FTO: variants seen among roughly 807,000 people sequenced by gnomAD.
The protein encoded by FTO is alpha-ketoglutarate-dependent dioxygenase FTO.
In FTO, 47 loss-of-function variants were observed where a neutral mutation model predicts 63.9. The observed-to-expected ratio is 0.74, with a 90% CI of 0.58 to 0.94. The LOEUF is 0.94. Among genes scored for constraint, FTO ranks in the 40% least tolerant of loss-of-function variants. FTO has a pLI of 0.00. For missense variants in FTO, 562 were observed against 618.1 expected (o/e 0.91, Z 0.96); for synonymous variants, 207 against 224.4 (o/e 0.92, Z 0.69).
rs149316123 is a variant in FTO, at chr16:54,088,242, C to T, written c.1365-23520C>T. ...GTTATTATGCCATACAAATCAATAC[C>T]CACATTGCGTTTTTACTCAATAATA... On this transcript the variant is annotated intron_variant, in intron 8 of 8. Transcript: ENST00000471389. 5.4e-3 allele frequency among the ~76,000 whole-genome samples: 815 copies of T among 152,252 alleles called. 4 individuals are homozygous for T. The highest frequency in any genetic ancestry group is 0.019 in the African/African-American group (781 of 41,552).
chr16:54,077,550 G>A (rs1194461452), intron 8 of FTO, among the ~76,000 whole-genome samples: 2 of 152,168 alleles, frequency 1.3e-5, no homozygotes, highest in Non-Finnish European at 2.9e-5. Flanking sequence ...TCAAAATGAT[G>A]TTTCTCATAT....
chr16:53,879,752 C>A, intron 5 of FTO, 92 bp from the exon 6 acceptor site: 10 of 1,322,680 alleles, frequency 7.6e-6, no homozygotes, highest in Non-Finnish European at 8.6e-6. Context: ...GGTGAATTCA[C>A]AGCCAGGGAC....
At chr16:54,087,424 A>C (rs1485207191) in intron 8 of FTO, among the ~76,000 whole-genome samples, 4 of 152,152 alleles carry the variant, frequency 2.6e-5, no homozygotes, top group Non-Finnish European at 5.9e-5. Context: ...GAGATAGACA[A>C]TCAAAAGAAC....
chr16:53,856,618 C>T (rs183024700), intron 4 of FTO, among the ~76,000 whole-genome samples: 20 of 152,038 alleles, frequency 1.3e-4, no homozygotes, highest in East Asian at 7.8e-4. Context: ...AGTGTGGTGG[C>T]GTGTGCCTGT....
At chr16:53,869,541 G>GTTTTTTTTTTTTTTTTTTTTTTT (rs35983302) in intron 4 of FTO, among the ~76,000 whole-genome samples, 1 of 125,224 alleles carries the variant, frequency 8.0e-6, no homozygotes, top group African/African-American at 3.0e-5. Context: ...CCATAGTTCT[G>GTTTTTTTTTTTTTTTTTTTTTTT]TTTTTTTTTT....
intron 2 of FTO, among the ~76,000 whole-genome samples, chr16:53,822,323 T>C (rs1487314153): frequency 6.6e-6 from 1 of 152,206 alleles, no homozygotes; most frequent in Non-Finnish European, 1.5e-5. Flanking sequence ...TTTTTCCTTC[T>C]AGCCTATTCC....
At chr16:54,085,455 C>T (rs2086237473) in intron 8 of FTO, among the ~76,000 whole-genome samples, 1 of 152,102 alleles carries the variant, frequency 6.6e-6, no homozygotes, top group African/African-American at 2.4e-5. Flanking sequence ...TGAGTACATT[C>T]CATTATCTAG....
At chr16:53,945,510 T>C (rs145154107) in intron 8 of FTO, among the ~76,000 whole-genome samples, 273 of 152,328 alleles carry the variant, frequency 1.8e-3, no homozygotes, top group African/African-American at 6.4e-3. Flanking sequence ...TTTAGAGACC[T>C]TCTAGGATCC....
At chr16:53,717,896 C>T (rs1024693249) in intron 1 of FTO, among the ~76,000 whole-genome samples, 10 of 151,988 alleles carry the variant, frequency 6.6e-5, no homozygotes, top group African/African-American at 2.2e-4. Flanking sequence ...TAATTGCCAT[C>T]GATTTATAAT....
chr16:53,758,453 A>G (rs2076974598), intron 1 of FTO, among the ~76,000 whole-genome samples: 1 of 152,200 alleles, frequency 6.6e-6, no homozygotes, highest in Non-Finnish European at 1.5e-5. Context: ...AGGATACATG[A>G]GGATTCCTCT....
In FTO at chr16:53,934,064, C is replaced by T. The variant is rs2082336576; in HGVS notation, c.1319C>T (p.Ala440Val). 2 of 1,614,168 alleles carry T rather than the reference C, an allele frequency of 1.2e-6. No homozygotes were observed. The highest frequency in any genetic ancestry group is 1.7e-6 in the Non-Finnish European group (2 of 1,179,990). The change falls in exon 8 of 9, where the codon GCC (alanine) becomes GTC (valine). Residue 440 changes from alanine (A) to valine (V), a missense_variant. Ala to Val is a moderately conservative substitution (Grantham distance 64). Coordinates refer to ENST00000471389, the MANE Select transcript of FTO (RefSeq NM_001080432.3). Reference sequence around the variant, plus strand: ...AATGAAATCTTGACTGCCATCCTTGCCTCGCTCACTGCACGCCAGAACCTG... The same window carrying T: ...AATGAAATCTTGACTGCCATCCTTGTCTCGCTCACTGCACGCCAGAACCTG... ...QRNEILTAIL[A>V]SLTARQNLRR... is the part of the protein sequence containing the mutation.
At chr16:54,034,960 G>T (rs1722103917) in intron 8 of FTO, among the ~76,000 whole-genome samples, 1 of 152,166 alleles carries the variant, frequency 6.6e-6, no homozygotes, top group African/African-American at 2.4e-5. Context: ...ATGATGTATG[G>T]TCACTACTCT....
At chr16:53,766,669 G>A (rs117696251) in intron 1 of FTO, among the ~76,000 whole-genome samples, 5,814 of 152,258 alleles carry the variant, frequency 0.038, 120 homozygotes, top group Admixed American at 0.043. Context: ...GTTGTGGAGA[G>A]GGAATCCGAA....
At chr16:53,934,650 C>G (rs567898866) in intron 8 of FTO, among the ~76,000 whole-genome samples, 1 of 152,080 alleles carries the variant, frequency 6.6e-6, no homozygotes, top group East Asian at 1.9e-4. Context: ...GTCTGTTGCT[C>G]GGGGGCTGCA....
intron 8 of FTO, chr16:54,039,241 C>T (rs1041143019): frequency 2.0e-5 from 3 of 152,198 alleles, no homozygotes; most frequent in Non-Finnish European, 4.4e-5. Flanking sequence ...TCTAGCAGAG[C>T]ACTAAGTGGT....
At chr16:53,993,515 G>C (rs755374293) in intron 8 of FTO, 1 of 152,190 alleles carries the variant, frequency 6.6e-6, no homozygotes, top group African/African-American at 2.4e-5. Flanking sequence ...CCGTGAATAT[G>C]AAATACAGTG....
intron 7 of FTO, among the ~76,000 whole-genome samples, chr16:53,928,125 T>G (rs900172699): frequency 7.2e-5 from 11 of 152,156 alleles, no homozygotes; most frequent in Non-Finnish European, 1.3e-4. Context: ...ACAGCGGGGA[T>G]TTGAGCAGCC....
rs373245785 is a variant in FTO, at chr16:53,880,662, G to A, written c.1119+675G>A. Among the ~76,000 whole-genome samples the A allele has an allele frequency of 6.6e-5, 10 of 152,164 alleles. No homozygotes were observed. In the East Asian group the frequency reaches 1.5e-3, roughly 24 times the overall value. ...TGGCACCCTCTCACTTTCCTTAGAC[G>A]GTGCAAGGGCCAGGCAAGCTCCCTG... On this transcript the variant is annotated intron_variant, in intron 6 of 8. Coordinates refer to ENST00000471389, the MANE Select transcript of FTO (RefSeq NM_001080432.3).
intron 3 of FTO, among the ~76,000 whole-genome samples, chr16:53,843,548 C>T (rs1035996395): frequency 6.6e-6 from 1 of 151,976 alleles, no homozygotes. Flanking sequence ...GTCTATTGGC[C>T]TTTATCTTAC....
Sources: allele counts gnomAD v4.1 joint callset (sites outside exome capture counted in the v4.1 genomes callset), GRCh38; gene constraint gnomAD v4.1.1; transcripts MANE v1.5; gene names NCBI Gene and HGNC (gene_info 2026-07-23, HGNC 2026-07-21).